The following SNX8 variants were observed in gnomAD, a reference collection of about 807,000 sequenced individuals.
The protein encoded by SNX8 is sorting nexin 8.
SNX8 carries 25 observed loss-of-function variants against 51.6 expected under a neutral mutation model. The ratio of observed to expected loss-of-function variants is 0.48; its 90% confidence interval spans 0.35 to 0.68. The LOEUF is 0.68. SNX8 is among the 30% of genes least tolerant of loss of function. SNX8 has a pLI of 0.00. For missense variants in SNX8, 695 were observed against 624.0 expected, an observed-to-expected ratio of 1.11 and a Z score of -1.21; for synonymous variants, 324 against 277.0, an observed-to-expected ratio of 1.17 and a Z score of -1.68.
chr7:2,302,435 G>A (rs1796419992), intron 1 of SNX8, among the ~76,000 whole-genome samples: 1 of 152,236 alleles, frequency 6.6e-6, no homozygotes, highest in Non-Finnish European at 1.5e-5. Context: ...GTGCAGTGGT[G>A]TGATCTCGGC....
chr7:2,327,660 G>A (rs1383917652), intron 1 of SNX8, among the ~76,000 whole-genome samples: 2 of 151,214 alleles, frequency 1.3e-5, no homozygotes, highest in East Asian at 1.9e-4. Context: ...GCCCGCCTCG[G>A]CCTCCCAAAG....
chr7:2,264,600 C>T, intron 5 of SNX8, 142 bp from the exon 6 acceptor site: 1 of 655,440 alleles, frequency 1.5e-6, no homozygotes, highest in South Asian at 1.9e-5. Flanking sequence ...TCCTCCAGGC[C>T]TGCAGGGATC....
chr7:2,257,604 G>T (rs1462242743), intron 8 of SNX8, 90 bp from the exon 9 acceptor site: 10 of 1,574,422 alleles, frequency 6.4e-6, no homozygotes, highest in Non-Finnish European at 7.8e-6. Context: ...CCCGCCAGAC[G>T]GAAGGCCCCG....
chr7:2,254,580 C>T lies in SNX8; in HGVS notation c.*476G>A. On this transcript the variant is annotated 3_prime_UTR_variant, in exon 11 of 11. Transcript: ENST00000222990. Reference sequence around the variant, plus strand: ...CGTGCCCCACGCCCAATGGCCCTCCCTCCCAGCCTCAGCACCACTGGCTGT... The same window carrying T: ...CGTGCCCCACGCCCAATGGCCCTCCTTCCCAGCCTCAGCACCACTGGCTGT... The T allele has an allele frequency of 5.6e-6, 1 of 179,604 alleles. No individual in the cohort carries two copies. The highest frequency in any genetic ancestry group is 1.1e-4 in the South Asian group (1 of 9,158). The allele number at this position is 179,604 out of a possible 1,614,324, so 11.1% of individuals were successfully genotyped here. A position where few individuals can be genotyped will look rare whatever the true frequency, so the allele number is the denominator to read the frequency against.
intron 5 of SNX8, among the ~76,000 whole-genome samples, chr7:2,265,327 G>A (rs567225828): frequency 5.9e-5 from 9 of 151,730 alleles, no homozygotes; most frequent in African/African-American, 1.2e-4. Flanking sequence ...GCAACAGAGC[G>A]AGACTCCGTC....
At chr7:2,333,577 A>G (rs1778776037) in intron 1 of SNX8, among the ~76,000 whole-genome samples, 1 of 152,142 alleles carries the variant, frequency 6.6e-6, no homozygotes, top group African/African-American at 2.4e-5. Context: ...AAATATGTAC[A>G]TAAAGCAGCA....
At chr7:2,326,870 C>T (rs893332596) in intron 1 of SNX8, among the ~76,000 whole-genome samples, 1 of 152,028 alleles carries the variant, frequency 6.6e-6, no homozygotes, top group Non-Finnish European at 1.5e-5. Context: ...CTTTGGGAGG[C>T]CGAGGCAGGC....
At chr7:2,265,737 G>A (rs112204648) in intron 5 of SNX8, among the ~76,000 whole-genome samples, 3,010 of 152,308 alleles carry the variant, frequency 0.02, 39 homozygotes, top group South Asian at 0.043. Flanking sequence ...TCTATGCCGC[G>A]TTTATTCCCA....
intron 1 of SNX8, among the ~76,000 whole-genome samples, chr7:2,330,065 A>G (rs1778701511): frequency 6.7e-6 from 1 of 149,622 alleles, no homozygotes; most frequent in South Asian, 2.1e-4. Context: ...TCCTGACCTC[A>G]AGTGATCAGA....
At chr7:2,319,629 C>T (rs1037284446) in intron 1 of SNX8, among the ~76,000 whole-genome samples, 3 of 152,102 alleles carry the variant, frequency 2.0e-5, no homozygotes, top group Non-Finnish European at 2.9e-5. Context: ...TCCTGGCTAA[C>T]ACGGTGAAAC....
chr7:2,309,887 G>A (rs1411658601), intron 1 of SNX8: 5 of 470,812 alleles, frequency 1.1e-5, no homozygotes, highest in Admixed American at 4.7e-5. Flanking sequence ...GGGAAGGCTC[G>A]GGGCAGGGGT....
chr7:2,300,078 A>G (rs935354672), intron 1 of SNX8, among the ~76,000 whole-genome samples: 3 of 152,210 alleles, frequency 2.0e-5, no homozygotes, highest in African/African-American at 7.2e-5. Flanking sequence ...GGAACTGTGA[A>G]AAATGTCACA....
intron 10 of SNX8, among the ~76,000 whole-genome samples, chr7:2,256,588 G>A (rs1004378435): frequency 6.6e-6 from 1 of 152,212 alleles, no homozygotes; most frequent in Admixed American, 6.5e-5. Flanking sequence ...GGAGCTCTGC[G>A]GGCTTTACCT....
At position 2,254,356 on chromosome 7, in the gene SNX8, G is replaced by A. The variant is rs1374423100; in HGVS notation, c.*700C>T. The A allele has an allele frequency of 1.9e-5, 3 of 154,546 alleles. No individual in the cohort carries two copies. The highest frequency in any genetic ancestry group is 1.9e-4 in the East Asian group (1 of 5,208). 9.6% of individuals were successfully genotyped at this position (154,546 alleles called of 1,614,324 possible). ...AGGGGACGAGAACACAGCTGCTGTA[G>A]CGCCCACTCTCAGAGCCCCAGCTCT... is the stretch of plus-strand genomic sequence containing the variant. On this transcript the variant is annotated 3_prime_UTR_variant, in exon 11 of 11. Coordinates refer to ENST00000222990, the MANE Select transcript of SNX8 (RefSeq NM_013321.4).
chr7:2,351,954 C>A (rs1779152197), intron 1 of SNX8, among the ~76,000 whole-genome samples: 1 of 120,628 alleles, frequency 8.3e-6, no homozygotes, highest in Non-Finnish European at 1.6e-5. Flanking sequence ...GTTGCCCAGG[C>A]TGGAGTGAAA....
intron 1 of SNX8, among the ~76,000 whole-genome samples, chr7:2,320,750 G>A (rs1796818405): frequency 6.6e-6 from 1 of 151,562 alleles, no homozygotes; most frequent in African/African-American, 2.4e-5. Context: ...GCCAGGCGCG[G>A]TGGCTCACGC....
chr7:2,267,783 A>G (rs1795508210), intron 5 of SNX8, among the ~76,000 whole-genome samples: 1 of 115,644 alleles, frequency 8.6e-6, no homozygotes, highest in African/African-American at 3.6e-5. Context: ...ATCGTCTGGG[A>G]TGTGAGGAGC....
At chr7:2,303,092 T>G in intron 1 of SNX8, among the ~76,000 whole-genome samples, 2 of 138,798 alleles carry the variant, frequency 1.4e-5, no homozygotes, top group East Asian at 2.4e-4. Flanking sequence ...AGCCGCCCCG[T>G]CCGGGAGGGA....
chr7:2,260,675 A>G (rs551889151), intron 7 of SNX8, among the ~76,000 whole-genome samples: 27 of 152,206 alleles, frequency 1.8e-4, no homozygotes, highest in African/African-American at 3.1e-4. Flanking sequence ...CCGACTGAAC[A>G]GCAAGGGTGA....
Sources: gnomAD v4.1 joint callset for allele counts (sites outside exome capture counted in the v4.1 genomes callset) on GRCh38, gnomAD v4.1.1 for gene constraint, MANE v1.5 for transcripts, NCBI Gene and HGNC (gene_info 2026-07-23, HGNC 2026-07-21) for gene names.